Variants in EPHB2 observed in about 807,000 individuals in gnomAD.
The protein encoded by EPHB2 is EPH receptor B2, also known as ephrin type-B receptor 2.
In EPHB2, 18 loss-of-function variants were observed where a neutral mutation model predicts 96.4. The ratio of observed to expected loss-of-function variants is 0.19; its 90% CI spans 0.13 to 0.28. The LOEUF (loss-of-function observed/expected upper bound fraction) is 0.28. Among genes scored for constraint, EPHB2 ranks in the 10% least tolerant of loss-of-function variants. The pLI, the probability that EPHB2 is intolerant of heterozygous loss-of-function variation, is 1.00. For missense variants in EPHB2, 989 were observed against 1,355.4 expected (o/e 0.73, Z 4.25); for synonymous variants, 506 against 534.1 (o/e 0.95, Z 0.72).
intron 4 of EPHB2, among the ~76,000 whole-genome samples, chr1:22,863,403 C>G (rs758138006): frequency 6.6e-6 from 1 of 152,232 alleles, no homozygotes; most frequent in Non-Finnish European, 1.5e-5. Context: ...CTCCTTACCC[C>G]CTTCTGCTGA....
At chr1:22,826,546 G>C (rs1263091666) in intron 3 of EPHB2, among the ~76,000 whole-genome samples, 1 of 152,214 alleles carries the variant, frequency 6.6e-6, no homozygotes, top group African/African-American at 2.4e-5. Context: ...CTTGCTCCTG[G>C]CATCGGAGGA....
At chr1:22,828,779 T>C (rs189018205) in intron 3 of EPHB2, among the ~76,000 whole-genome samples, 1 of 152,328 alleles carries the variant, frequency 6.6e-6, no homozygotes, top group African/African-American at 2.4e-5. Context: ...CTAAGACGAC[T>C]AGGCACAGAG....
intron 1 of EPHB2, among the ~76,000 whole-genome samples, chr1:22,735,814 C>T (rs543408629): frequency 3.3e-5 from 5 of 152,308 alleles, no homozygotes; most frequent in South Asian, 2.1e-4. Flanking sequence ...GGCAGTGAGT[C>T]GGCCCAGAGA....
chr1:22,740,597 G>T (rs1178587589), intron 1 of EPHB2, among the ~76,000 whole-genome samples: 1 of 152,194 alleles, frequency 6.6e-6, no homozygotes, highest in Non-Finnish European at 1.5e-5. Flanking sequence ...GGGACACCAT[G>T]CCAGGCAAGA....
chr1:22,907,780 T>C (rs371993300), intron 11 of EPHB2, among the ~76,000 whole-genome samples, 173 bp from the exon 12 acceptor site: 33 of 152,314 alleles, frequency 2.2e-4, no homozygotes, highest in African/African-American at 7.9e-4. Context: ...ACCACCACTC[T>C]GAAGTTGGCC....
chr1:22,795,083 T>G (rs1215626418), intron 3 of EPHB2, among the ~76,000 whole-genome samples: 2 of 152,136 alleles, frequency 1.3e-5, no homozygotes, highest in African/African-American at 4.8e-5. Context: ...CCCACCCTGT[T>G]TGGGCACCCC....
chr1:22,852,937 G>A (rs1557713220), intron 3 of EPHB2, among the ~76,000 whole-genome samples: 1 of 152,206 alleles, frequency 6.6e-6, no homozygotes, highest in Admixed American at 6.5e-5. Flanking sequence ...AAATGCCAGG[G>A]ACAAAGGTAG....
chr1:22,883,642 GCTGGAGCC>G (rs1267524479), intron 6 of EPHB2, among the ~76,000 whole-genome samples: 4 of 152,222 alleles, frequency 2.6e-5, no homozygotes, highest in African/African-American at 9.7e-5. Flanking sequence ...AGCCAGTCCT[GCTGGAGCC>G]CAACTTTCTA....
chr1:22,745,965 G>A (rs540841224), intron 1 of EPHB2, among the ~76,000 whole-genome samples: 1 of 152,328 alleles, frequency 6.6e-6, no homozygotes, highest in Non-Finnish European at 1.5e-5. Context: ...CAGTGGGGAC[G>A]CAGCAGGATC....
At position 22,740,542 on chromosome 1, in the gene EPHB2, A is replaced by T. The variant is rs554997497; in HGVS notation, c.61+29499A>T. On this transcript the variant is annotated intron_variant, in intron 1 of 15. Coordinates refer to ENST00000374630, the MANE Select transcript of EPHB2 (RefSeq NM_017449.5). ...TGAGTAAGCATGCCCTCAAGCCTTG[A>T]TCATCACTGCGACAACCACAGCTGC... is the stretch of plus-strand genomic sequence containing the variant. Among the ~76,000 whole-genome samples, 18 of 152,222 alleles carry T rather than the reference A, an allele frequency of 1.2e-4. No homozygotes were observed. The East Asian group carries it at 2.7e-3, about 23-fold the overall frequency.
intron 14 of EPHB2, among the ~76,000 whole-genome samples, chr1:22,911,138 CTAAAAAAA>C (rs1429511637): frequency 1.9e-5 from 1 of 52,390 alleles, no homozygotes; most frequent in African/African-American, 7.6e-5. Context: ...GAAACTCCAT[CTAAAAAAA>C]TAAATAAATA....
intron 3 of EPHB2, among the ~76,000 whole-genome samples, chr1:22,851,376 C>T (rs1056244183): frequency 2.6e-5 from 4 of 152,202 alleles, no homozygotes; most frequent in Non-Finnish European, 4.4e-5. Flanking sequence ...TCTGCAGGAT[C>T]CTGGCTGCTG....
At chr1:22,749,427 C>G (rs1357092122) in intron 1 of EPHB2, among the ~76,000 whole-genome samples, 1 of 152,166 alleles carries the variant, frequency 6.6e-6, no homozygotes, top group East Asian at 1.9e-4. Flanking sequence ...AACTCTCTAC[C>G]CCCAACACTG....
At chr1:22,884,839 T>C (rs1639172139) in intron 6 of EPHB2, among the ~76,000 whole-genome samples, 2 of 152,170 alleles carry the variant, frequency 1.3e-5, no homozygotes, top group Admixed American at 6.5e-5. Context: ...CATCTTCTCC[T>C]TGTGTCTTGC....
chr1:22,864,059 G>A (rs78091924), intron 4 of EPHB2, among the ~76,000 whole-genome samples: 2 of 88,788 alleles, frequency 2.3e-5, no homozygotes, highest in Non-Finnish European at 3.8e-5. Context: ...TTTTTTTTTT[G>A]AGATGGAGTT....
chr1:22,774,728 G>A (rs754485279), intron 1 of EPHB2: 10 of 519,964 alleles, frequency 1.9e-5, no homozygotes, highest in African/African-American at 4.1e-5. Flanking sequence ...TCTGAAGGGC[G>A]ATCACACATG....
intron 6 of EPHB2, among the ~76,000 whole-genome samples, chr1:22,887,332 G>A (rs1289530409): frequency 2.6e-5 from 4 of 152,154 alleles, no homozygotes; most frequent in African/African-American, 9.7e-5. Context: ...GTCCACAGCC[G>A]GCTGTTACCT....
Position 22,913,726 on chromosome 1 carries a change from C to T in EPHB2, c.*156C>T, listed in dbSNP as rs757107429. The T allele has an allele frequency of 1.2e-6, 2 of 1,602,570 alleles. No homozygotes were observed. Among genetic ancestry groups the T allele is most frequent in the African/African-American group, 1.3e-5 (1 of 74,478 alleles). ...AGCGGTGCCAGCCACGAGACGTCAC[C>T]AAGAAAACATGCAACTCAAACGACG... is the stretch of plus-strand genomic sequence containing the variant. On this transcript the variant is annotated 3_prime_UTR_variant, in exon 16 of 16. Coordinates refer to ENST00000374630, the MANE Select transcript of EPHB2 (RefSeq NM_017449.5). The surrounding 1 kb of genome is among the most constrained non-coding windows in gnomAD (Gnocchi z 4.1).
In EPHB2 at chr1:22,879,874, C is replaced by A. The variant is rs568634061; in HGVS notation, c.1304-2485C>A. Among the ~76,000 whole-genome samples the A allele has an allele frequency of 1.7e-4, 26 of 152,346 alleles. 1 individual carries two copies. The South Asian group carries it at 5.4e-3, about 32-fold the overall frequency. On this transcript the variant is annotated intron_variant, in intron 5 of 15. Transcript: ENST00000374630. ...AGGAGCCGAGCTGAGGGTCAGGCAG[C>A]CTCCCCTGGGTGTAAAAGGAACAGA...
Sources: gnomAD v4.1 joint callset for allele counts (sites outside exome capture counted in the v4.1 genomes callset) on GRCh38, gnomAD v4.1.1 for gene constraint, Gnocchi (gnomAD v3.1) non-coding constraint, MANE v1.5 for transcripts, NCBI Gene and HGNC (gene_info 2026-07-23, HGNC 2026-07-21) for gene names.